The following PROS1 variants were observed in gnomAD, a reference collection of about 807,000 sequenced individuals.
The protein encoded by PROS1 is vitamin K-dependent protein S.
In PROS1, 29 loss-of-function variants were observed where a neutral mutation model predicts 75.9. The observed-to-expected ratio is 0.38, with a 90% confidence interval of 0.28 to 0.52. PROS1 has a LOEUF of 0.52. Among genes scored for constraint, PROS1 ranks in the 20% least tolerant of loss-of-function variants. The pLI is 0.83. For synonymous variants in PROS1, 245 were observed against 280.6 expected (o/e 0.87, Z 1.27); for missense variants, 680 against 810.3 (o/e 0.84, Z 1.95).
rs569380484 is a variant in PROS1, at chr3:93,900,634, A to G, written c.727+170T>C. On this transcript the variant is annotated intron_variant, in intron 7 of 14. Coordinates refer to ENST00000394236, the MANE Select transcript of PROS1 (RefSeq NM_000313.4). ...CAAACTTAAAGACCATATGCCTTACATACTCTTGCTCTGGAAGGAAGGAAG... is the reference window on the plus strand; with the variant it reads ...CAAACTTAAAGACCATATGCCTTACGTACTCTTGCTCTGGAAGGAAGGAAG... Among the ~76,000 whole-genome samples, 4 of 152,366 alleles carry G rather than the reference A, an allele frequency of 2.6e-5. No individual in the cohort carries two copies. The South Asian group carries it at 6.2e-4, about 24-fold the overall frequency.
chr3:93,884,704 A>G (rs1559929514), intron 12 of PROS1, 24 bp downstream of exon 12: 1 of 1,592,366 alleles, frequency 6.3e-7, no homozygotes. Context: ...ATGAGAAAAT[A>G]GAGATAAATG....
rs1709741749 is a variant in PROS1 at position 93,963,636 on chromosome 3, T to C, written c.76+10038A>G. 2.0e-5 allele frequency among the ~76,000 whole-genome samples: 3 copies of C among 152,156 alleles called. No individual in the cohort carries two copies. In the South Asian group the frequency reaches 6.2e-4, roughly 32 times the overall value. On this transcript the variant is annotated intron_variant, in intron 1 of 14. Coordinates refer to ENST00000394236, the MANE Select transcript of PROS1 (RefSeq NM_000313.4). ...CTCCTGGTGAGGGCCTCAGGAAGCT[T>C]CCAATCATGGTAGAAGGCAAAAGGG... is the stretch of plus-strand genomic sequence containing the variant.
rs1298945000 is a variant in PROS1 at position 93,874,279 on chromosome 3, C to A, written c.1997G>T (p.Cys666Phe). 6.2e-7 allele frequency: 1 copy of A among 1,613,450 alleles called. No homozygotes were observed. Among genetic ancestry groups the A allele is most frequent in the Non-Finnish European group, 8.5e-7 (1 of 1,179,518 alleles). The change falls in exon 15 of 15, where the codon TGT becomes TTT. Residue 666 changes from cysteine to phenylalanine, a missense_variant. Coordinates refer to ENST00000394236, the MANE Select transcript of PROS1 (RefSeq NM_000313.4). ...CTTTGTCTTTTTCCAAACTGATGGACATGAGTGAGCTCTAATATCATTATG... is the reference window on the plus strand; with the variant it reads ...CTTTGTCTTTTTCCAAACTGATGGAAATGAGTGAGCTCTAATATCATTATG... ...SKHNDIRAHS[C>F]PSVWKKTKNS
chr3:93,888,635 T>C (rs1708385053), intron 10 of PROS1, among the ~76,000 whole-genome samples: 3 of 152,192 alleles, frequency 2.0e-5, no homozygotes, highest in Non-Finnish European at 4.4e-5. Flanking sequence ...AAAATTTTAA[T>C]TGAAGGCTTA....
intron 10 of PROS1, among the ~76,000 whole-genome samples, chr3:93,890,301 T>A (rs1708414153): frequency 6.6e-6 from 1 of 152,228 alleles, no homozygotes; most frequent in South Asian, 2.1e-4. Context: ...CATAGACCCT[T>A]ATCAATAATT....
At chr3:93,935,270 C>T (rs1236958812) in intron 1 of PROS1, among the ~76,000 whole-genome samples, 1 of 152,190 alleles carries the variant, frequency 6.6e-6, no homozygotes. Flanking sequence ...AATGCTACAA[C>T]AGGAGGTCTT....
At chr3:93,939,730 T>C (rs1348208261) in intron 1 of PROS1, among the ~76,000 whole-genome samples, 1 of 151,942 alleles carries the variant, frequency 6.6e-6, no homozygotes, top group African/African-American at 2.4e-5. Context: ...ATGGCTTGTT[T>C]AGCAGCAAAC....
intron 10 of PROS1, among the ~76,000 whole-genome samples, chr3:93,890,137 G>A (rs1245961285): frequency 6.6e-6 from 1 of 152,120 alleles, no homozygotes; most frequent in Non-Finnish European, 1.5e-5. Context: ...GATAAGGACT[G>A]AAATACGCCC....
At chr3:93,874,459 T>A (rs573610202) in intron 14 of PROS1, 54 bp from the exon 15 acceptor site, 1 of 1,600,102 alleles carries the variant, frequency 6.2e-7, no homozygotes, top group Non-Finnish European at 8.5e-7. Flanking sequence ...ATCTTGTTTG[T>A]TTACAGTGAG....
chr3:93,973,456 T>TGCCTAC, intron 1 of PROS1: 1 of 598,006 alleles, frequency 1.7e-6, no homozygotes, highest in African/African-American at 1.9e-5. Flanking sequence ...ATCTGTCCTG[T>TGCCTAC]AGGCAATACA....
intron 4 of PROS1, among the ~76,000 whole-genome samples, chr3:93,908,149 G>C (rs1212347134): frequency 6.6e-6 from 1 of 152,072 alleles, no homozygotes; most frequent in Non-Finnish European, 1.5e-5. Flanking sequence ...AAAAGAAAAA[G>C]AAATTAAAAT....
chr3:93,892,103 G>T (rs1422677634), intron 10 of PROS1, among the ~76,000 whole-genome samples: 1 of 152,110 alleles, frequency 6.6e-6, no homozygotes, highest in African/African-American at 2.4e-5. Context: ...GCCGAAGTGG[G>T]TGAATAGCTT....
intron 1 of PROS1, among the ~76,000 whole-genome samples, chr3:93,933,964 G>A (rs71326806): frequency 0.077 from 11,473 of 149,662 alleles, 536 homozygotes; most frequent in Middle Eastern, 0.19. Context: ...AGCTGAGATC[G>A]TGCTGCTGCA....
At chr3:93,952,138 C>T (rs1709509205) in intron 1 of PROS1, among the ~76,000 whole-genome samples, 1 of 152,128 alleles carries the variant, frequency 6.6e-6, no homozygotes, top group Non-Finnish European at 1.5e-5. Context: ...TAATGGGAGA[C>T]TTTAACACCC....
intron 1 of PROS1, among the ~76,000 whole-genome samples, chr3:93,930,576 G>T (rs1709092217): frequency 6.6e-6 from 1 of 152,128 alleles, no homozygotes; most frequent in South Asian, 2.1e-4. Flanking sequence ...TGATTTTTAA[G>T]AACATCTCTT....
intron 1 of PROS1, among the ~76,000 whole-genome samples, chr3:93,936,568 G>A (rs1709187556): frequency 6.6e-6 from 1 of 152,134 alleles, no homozygotes; most frequent in Non-Finnish European, 1.5e-5. Context: ...TGAGTAGCCA[G>A]CGAGAAGGCA....
chr3:93,961,859 C>T (rs1312577267), intron 1 of PROS1, among the ~76,000 whole-genome samples: 1 of 152,124 alleles, frequency 6.6e-6, no homozygotes, highest in Non-Finnish European at 1.5e-5. Flanking sequence ...AAAAGCCAGA[C>T]ATTCCTTGGC....
At chr3:93,915,277 C>A (rs1490178694) in intron 3 of PROS1, among the ~76,000 whole-genome samples, 1 of 152,014 alleles carries the variant, frequency 6.6e-6, no homozygotes. Context: ...GGCTGCCTGG[C>A]AAACATGGCA....
intron 1 of PROS1, chr3:93,958,409 C>T (rs928086349): frequency 6.6e-6 from 1 of 152,146 alleles, no homozygotes; most frequent in Non-Finnish European, 1.5e-5. Flanking sequence ...GATATGAAAC[C>T]CAATCCTACA....
Sources: gnomAD v4.1 joint callset for allele counts (sites outside exome capture counted in the v4.1 genomes callset) on GRCh38, gnomAD v4.1.1 for gene constraint, MANE v1.5 for transcripts, NCBI Gene and HGNC (gene_info 2026-07-23, HGNC 2026-07-21) for gene names.